The following RPS6KA3 variants were observed in gnomAD, a reference collection of about 807,000 sequenced individuals.
The protein encoded by RPS6KA3 is ribosomal protein S6 kinase alpha-3.
Under a neutral mutation model 67.2 loss-of-function variants are expected in RPS6KA3, and 4 were observed. The observed-to-expected ratio is 0.06, with a 90% CI of 0.03 to 0.14. The LOEUF (loss-of-function observed/expected upper bound fraction) is 0.14, where lower values mean the gene tolerates loss of function less well. Among genes scored for constraint, RPS6KA3 ranks in the 10% least tolerant of loss-of-function variants. RPS6KA3 has a pLI of 1.00. For missense variants in RPS6KA3, 204 were observed against 559.0 expected (o/e 0.36, Z 6.40); for synonymous variants, 182 against 183.7 (o/e 0.99, Z 0.07).
chrX:20,211,513 A>T (rs1279175967), intron 2 of RPS6KA3, among the ~76,000 whole-genome samples: 2 of 109,281 alleles, frequency 1.8e-5, no homozygotes, highest in Admixed American at 9.7e-5. Context: ...GTGTTCTTTG[A>T]ACTTTTTGGT....
At chrX:20,243,745 C>T (rs746160850) in intron 1 of RPS6KA3, among the ~76,000 whole-genome samples, 3 of 110,303 alleles carry the variant, frequency 2.7e-5, no homozygotes, top group Non-Finnish European at 5.7e-5. Context: ...CCACCCGTCT[C>T]GGCCTCCCAA....
In RPS6KA3 at chrX:20,156,157, T is replaced by C. The variant is rs921116719; in HGVS notation, c.2052A>G (p.Gln684=). The change falls in exon 21 of 22, where the codon CAA becomes CAG. Residue 684 remains glutamine (Q), a synonymous_variant. Coordinates refer to ENST00000379565, the MANE Select transcript of RPS6KA3 (RefSeq NM_004586.3). Reference sequence around the variant, plus strand: ...GTCTGTTTAGTTGGTATTGTGGCAGTTGGTCCCAGTGGACGATCCAAGGAT... The same window carrying C: ...GTCTGTTTAGTTGGTATTGTGGCAGCTGGTCCCAGTGGACGATCCAAGGAT... ...LRHPWIVHWD[Q]LPQYQLNRQD... 1 of 1,209,010 alleles carries C rather than the reference T, an allele frequency of 8.3e-7. No individual in the cohort carries two copies. Among genetic ancestry groups the C allele is most frequent in the Admixed American group, 2.2e-5 (1 of 45,697 alleles).
At chrX:20,222,079 T>C (rs940091367) in intron 2 of RPS6KA3, among the ~76,000 whole-genome samples, 4 of 112,798 alleles carry the variant, frequency 3.5e-5, no homozygotes, top group Non-Finnish European at 7.5e-5. Context: ...GCAAGAGAGA[T>C]CATATGGCCT....
intron 15 of RPS6KA3, among the ~76,000 whole-genome samples, chrX:20,169,902 A>G (rs2067531284): frequency 1.8e-5 from 2 of 112,462 alleles, no homozygotes; most frequent in Non-Finnish European, 3.8e-5. Flanking sequence ...AGAGCTAGAT[A>G]TAACACCACC....
chrX:20,155,566 T>A (rs750474671), intron 21 of RPS6KA3, 46 bp from the exon 22 acceptor site: 2 of 1,167,669 alleles, frequency 1.7e-6, no homozygotes, highest in Non-Finnish European at 2.3e-6. Flanking sequence ...CAATGGATAG[T>A]CACACGTACA....
At chrX:20,179,169 T>G (rs2067780665) in intron 10 of RPS6KA3, among the ~76,000 whole-genome samples, 1 of 111,991 alleles carries the variant, frequency 8.9e-6, no homozygotes, top group African/African-American at 3.2e-5. Flanking sequence ...ATTTCCTGGT[T>G]TCTGGCTTGG....
intron 3 of RPS6KA3, among the ~76,000 whole-genome samples, chrX:20,208,495 C>T (rs913095560): frequency 2.7e-5 from 3 of 111,222 alleles, no homozygotes; most frequent in East Asian, 5.6e-4. Context: ...GCAAGTGGAT[C>T]GCTTTGAGCT....
chrX:20,264,964 A>C (rs1193960662), intron 1 of RPS6KA3, among the ~76,000 whole-genome samples: 1 of 112,586 alleles, frequency 8.9e-6, no homozygotes, highest in East Asian at 2.7e-4. Context: ...AGGATTATTA[A>C]ACATCATAAA....
chrX:20,229,714 A>C (rs1458549199), intron 2 of RPS6KA3, among the ~76,000 whole-genome samples: 1 of 112,486 alleles, frequency 8.9e-6, no homozygotes, highest in Non-Finnish European at 1.9e-5. Flanking sequence ...AAGGTTAATA[A>C]ATATTTTGAC....
chrX:20,211,731 G>A lies in RPS6KA3; in HGVS notation c.127-2327C>T, dbSNP rs1166428836. ...AAGTTAATGGGCTGGATTCCAGCATGTGTCAGTTAGCCTCGTATTAAAAAA... is the reference window on the plus strand; with the variant it reads ...AAGTTAATGGGCTGGATTCCAGCATATGTCAGTTAGCCTCGTATTAAAAAA... On this transcript the variant is annotated intron_variant, in intron 2 of 21. Transcript: ENST00000379565. Among the ~76,000 whole-genome samples the A allele has an allele frequency of 8.1e-5, 9 of 110,827 alleles. No individual in the cohort carries two copies. In the Admixed American group the frequency reaches 8.6e-4, roughly 11 times the overall value.
At chrX:20,260,900 C>T (rs2070207827) in intron 1 of RPS6KA3, among the ~76,000 whole-genome samples, 1 of 111,989 alleles carries the variant, frequency 8.9e-6, no homozygotes, top group South Asian at 3.7e-4. Context: ...AAACACAGGT[C>T]TTTATGGCTC....
chrX:20,194,329 G>T (rs1424360190), intron 5 of RPS6KA3, 61 bp from the exon 6 acceptor site: 4 of 655,306 alleles, frequency 6.1e-6, no homozygotes, highest in East Asian at 6.8e-5. Flanking sequence ...TTTACATTAG[G>T]TCATTCATAA....
At chrX:20,217,536 C>T (rs773310838) in intron 2 of RPS6KA3, among the ~76,000 whole-genome samples, 10 of 112,244 alleles carry the variant, frequency 8.9e-5, no homozygotes, top group Admixed American at 9.4e-5. Flanking sequence ...TTTGTATTTT[C>T]TAAATTGTTT....
chrX:20,250,072 G>A (rs185170084), intron 1 of RPS6KA3, among the ~76,000 whole-genome samples: 4 of 112,310 alleles, frequency 3.6e-5, no homozygotes, highest in East Asian at 5.5e-4. Flanking sequence ...CTGTACTTAC[G>A]TGGGTCTATT....
chrX:20,181,585 A>G (rs1357520694), intron 10 of RPS6KA3, among the ~76,000 whole-genome samples: 2 of 112,034 alleles, frequency 1.8e-5, no homozygotes, highest in Non-Finnish European at 3.8e-5. Context: ...CCACTAAAAT[A>G]TAAGCTCTGA....
chrX:20,196,086 C>T (rs2068266010), intron 4 of RPS6KA3, among the ~76,000 whole-genome samples: 1 of 112,239 alleles, frequency 8.9e-6, no homozygotes, highest in African/African-American at 3.2e-5. Context: ...GGTCAGGGAG[C>T]AAGCTTTAAG....
intron 15 of RPS6KA3, among the ~76,000 whole-genome samples, chrX:20,169,779 G>A (rs2067527782): frequency 9.0e-6 from 1 of 111,653 alleles, no homozygotes; most frequent in African/African-American, 3.3e-5. Flanking sequence ...AACTCAAAAA[G>A]CCTCGAGAAA....
At chrX:20,236,938 CAT>C (rs1278801265) in intron 1 of RPS6KA3, among the ~76,000 whole-genome samples, 1 of 111,564 alleles carries the variant, frequency 9.0e-6, no homozygotes, top group Non-Finnish European at 1.9e-5. Flanking sequence ...TGTCGTCCGA[CAT>C]AGAGATTCAA....
chrX:20,247,402 A>T (rs1026567831), intron 1 of RPS6KA3, among the ~76,000 whole-genome samples: 1 of 111,881 alleles, frequency 8.9e-6, no homozygotes, highest in Admixed American at 9.5e-5. Context: ...TATCTCAAAA[A>T]AAACAAAATA....
Sources: gnomAD v4.1 joint callset for allele counts (sites outside exome capture counted in the v4.1 genomes callset) on GRCh38, gnomAD v4.1.1 for gene constraint, MANE v1.5 for transcripts, NCBI Gene and HGNC (gene_info 2026-07-23, HGNC 2026-07-21) for gene names.